TENM3: variants seen among roughly 807,000 people sequenced by gnomAD.
The protein encoded by TENM3 is teneurin transmembrane protein 3, also known as teneurin-3.
In TENM3, 63 loss-of-function variants were observed where a neutral mutation model predicts 255.1. The ratio of observed to expected loss-of-function variants is 0.25; its 90% CI spans 0.20 to 0.30. TENM3 has a LOEUF of 0.30. Ranked by LOEUF, TENM3 falls within the 10% of genes least tolerant of loss-of-function variation. The pLI is 1.00. For missense variants in TENM3, 2,929 were observed against 3,461.1 expected (o/e 0.85, Z 3.86); for synonymous variants, 1,306 against 1,322.3 (o/e 0.99, Z 0.27).
the TENM3 span, among the ~76,000 whole-genome samples, chr4:182,059,880 CCATGA>C: frequency 6.6e-6 from 1 of 151,894 alleles, no homozygotes; most frequent in Non-Finnish European, 1.5e-5. Context: ...ATGGGGTTAG[CCATGA>C]TTGTGCCACT....
At chr4:182,798,451 G>A (rs111352493) in intron 27 of TENM3, among the ~76,000 whole-genome samples, 3,070 of 152,292 alleles carry the variant, frequency 0.02, 106 homozygotes, top group African/African-American at 0.071. Flanking sequence ...TACAGCCTAC[G>A]TGTGCAGTAG....
the TENM3 span, among the ~76,000 whole-genome samples, chr4:181,665,343 G>GA: frequency 1.3e-5 from 2 of 152,032 alleles, no homozygotes; most frequent in East Asian, 3.9e-4. Context: ...GATATAAAAT[G>GA]AAAACTAAGT....
the TENM3 span, among the ~76,000 whole-genome samples, chr4:181,668,136 A>G: frequency 6.6e-6 from 1 of 152,170 alleles, no homozygotes; most frequent in African/African-American, 2.4e-5. Context: ...ATGCTCAAAT[A>G]TTTATTGGAT....
At chr4:182,538,988 A>C (rs928846609) in intron 3 of TENM3, among the ~76,000 whole-genome samples, 4 of 151,998 alleles carry the variant, frequency 2.6e-5, no homozygotes, top group Admixed American at 2.6e-4. Flanking sequence ...TGAGTAGCTC[A>C]AGGGAAATGT....
chr4:181,909,510 CAG>C, the TENM3 span, among the ~76,000 whole-genome samples: 4 of 152,172 alleles, frequency 2.6e-5, no homozygotes, highest in African/African-American at 9.7e-5. Flanking sequence ...CCCAACAACT[CAG>C]GGGGCAGACG....
intron 3 of TENM3, among the ~76,000 whole-genome samples, chr4:182,477,243 G>A (rs911027926): frequency 6.6e-6 from 1 of 152,166 alleles, no homozygotes; most frequent in African/African-American, 2.4e-5. Context: ...CTAGAGAGTT[G>A]TATAGGGATT....
chr4:181,536,742 T>C, the TENM3 span, among the ~76,000 whole-genome samples: 1 of 152,256 alleles, frequency 6.6e-6, no homozygotes, highest in Admixed American at 6.5e-5. Context: ...GCTTTCATTA[T>C]TCTGTACTAC....
At chr4:181,920,762 C>G in the TENM3 span, among the ~76,000 whole-genome samples, 2 of 151,812 alleles carry the variant, frequency 1.3e-5, no homozygotes, top group Admixed American at 1.3e-4. Flanking sequence ...TCAATTTTGT[C>G]TTTTGTTGCC....
chr4:182,731,837 A>T (rs749334177), intron 16 of TENM3, among the ~76,000 whole-genome samples: 53 of 149,132 alleles, frequency 3.6e-4, no homozygotes, highest in South Asian at 8.5e-4. Context: ...GCTGGAGTGC[A>T]GTGGCACGAT....
At chr4:181,989,497 CTTAAA>C in the TENM3 span, among the ~76,000 whole-genome samples, 5 of 152,226 alleles carry the variant, frequency 3.3e-5, no homozygotes, top group Middle Eastern at 3.4e-3. Context: ...TGTAAAAGTA[CTTAAA>C]TTAACAATTT....
intron 12 of TENM3, among the ~76,000 whole-genome samples, chr4:182,705,442 GA>G (rs1354749440): frequency 1.3e-5 from 2 of 152,186 alleles, no homozygotes; most frequent in African/African-American, 4.8e-5. Context: ...GTAGCCCGGT[GA>G]AAATATTATA....
the TENM3 span, among the ~76,000 whole-genome samples, chr4:182,046,249 C>G: frequency 6.6e-6 from 1 of 152,068 alleles, no homozygotes; most frequent in Non-Finnish European, 1.5e-5. Flanking sequence ...GATTCAGATT[C>G]TTATTCTGTC....
chr4:182,727,894 T>A (rs913151470), intron 13 of TENM3, among the ~76,000 whole-genome samples: 2 of 147,434 alleles, frequency 1.4e-5, no homozygotes, highest in Non-Finnish European at 3.0e-5. Context: ...ACAGTTTTGC[T>A]CTGTTGCCCA....
chr4:182,348,536 G>A (rs1764974564), intron 3 of TENM3, among the ~76,000 whole-genome samples: 1 of 152,104 alleles, frequency 6.6e-6, no homozygotes, highest in African/African-American at 2.4e-5. Context: ...CTAGAATGCA[G>A]CAGGATAATG....
At chr4:182,502,072 C>G (rs138914519) in intron 3 of TENM3, among the ~76,000 whole-genome samples, 105 of 152,364 alleles carry the variant, frequency 6.9e-4, no homozygotes, top group African/African-American at 2.2e-3. Flanking sequence ...TGGAAACTCA[C>G]TTGTCTGAAA....
At chr4:182,543,037 T>G (rs1741043393) in intron 3 of TENM3, among the ~76,000 whole-genome samples, 1 of 152,164 alleles carries the variant, frequency 6.6e-6, no homozygotes, top group Non-Finnish European at 1.5e-5. Flanking sequence ...CAAATGTTGG[T>G]GACATAACAA....
the TENM3 span, among the ~76,000 whole-genome samples, chr4:181,616,281 C>CA: frequency 0.058 from 4,906 of 84,034 alleles, 319 homozygotes; most frequent in Admixed American, 0.11. Context: ...TAAAGGTTTC[C>CA]AAAAAAAAAA....
chr4:181,657,795 ACT>A, the TENM3 span, among the ~76,000 whole-genome samples: 3 of 35,686 alleles, frequency 8.4e-5, no homozygotes, highest in Non-Finnish European at 1.2e-4. Context: ...ATACTATGCA[ACT>A]ATATATAAAA....
chr4:181,746,662 A>G, the TENM3 span, among the ~76,000 whole-genome samples: 1 of 151,882 alleles, frequency 6.6e-6, no homozygotes, highest in Non-Finnish European at 1.5e-5. Flanking sequence ...TTACTTAGGT[A>G]CCACTTTATT....
Sources: gnomAD v4.1 joint callset for allele counts (sites outside exome capture counted in the v4.1 genomes callset) on GRCh38, gnomAD v4.1.1 for gene constraint, MANE v1.5 for transcripts, NCBI Gene and HGNC (gene_info 2026-07-23, HGNC 2026-07-21) for gene names.